Variants in SAE1 observed in about 807,000 individuals in gnomAD.
SAE1 encodes SUMO1 activating enzyme subunit 1.
Under a neutral mutation model 40.6 loss-of-function variants are expected in SAE1, and 11 were observed. The observed-to-expected ratio is 0.27, with a 90% CI of 0.17 to 0.45. SAE1 has a LOEUF of 0.45. Among genes scored for constraint, SAE1 ranks in the 20% least tolerant of loss-of-function variants. The pLI is 1.00. For synonymous variants in SAE1, 155 were observed against 154.3 expected, an observed-to-expected ratio of 1.00 and a Z score of -0.03; for missense variants, 373 against 427.3, an observed-to-expected ratio of 0.87 and a Z score of 1.12.
At chr19:47,132,508 CAA>C (rs1278937544) in intron 1 of SAE1, among the ~76,000 whole-genome samples, 2 of 150,766 alleles carry the variant, frequency 1.3e-5, no homozygotes, top group East Asian at 3.9e-4. Context: ...TCCTCGGCCT[CAA>C]GAGATCTCCC....
At position 47,201,568 on chromosome 19, in the gene SAE1, C is replaced by T. The variant is rs1427835973; in HGVS notation, c.879-2103C>T. Reference sequence around the variant, plus strand: ...TGTATTTTTAGTAGAGACGGGGTTTCACCATATTGGCCAGACTGAACTATT... The same window carrying T: ...TGTATTTTTAGTAGAGACGGGGTTTTACCATATTGGCCAGACTGAACTATT... On this transcript the variant is annotated intron_variant, in intron 7 of 8. Coordinates refer to ENST00000270225, the MANE Select transcript of SAE1 (RefSeq NM_005500.3). Among the ~76,000 whole-genome samples the T allele has an allele frequency of 4.6e-5, 7 of 151,794 alleles. No individual in the cohort carries two copies. The East Asian group carries it at 1.2e-3, about 25-fold the overall frequency.
At chr19:47,133,113 T>C (rs115828525) in intron 1 of SAE1, among the ~76,000 whole-genome samples, 1 of 152,158 alleles carries the variant, frequency 6.6e-6, no homozygotes, top group Non-Finnish European at 1.5e-5. Flanking sequence ...ATTGTCAAAT[T>C]AGAGAAATAA....
At chr19:47,173,637 C>A (rs1408702780) in intron 6 of SAE1, among the ~76,000 whole-genome samples, 1 of 152,122 alleles carries the variant, frequency 6.6e-6, no homozygotes, top group Non-Finnish European at 1.5e-5. Context: ...ACACCCCTAT[C>A]CTCTACTCAC....
At chr19:47,209,136 C>T (rs113966999) in intron 8 of SAE1, 23 bp from the exon 9 acceptor site, 9 of 1,610,314 alleles carry the variant, frequency 5.6e-6, no homozygotes, top group Non-Finnish European at 5.9e-6. Flanking sequence ...TGAGCTAAAC[C>T]CTCTTTTCAT....
At position 47,197,387 on chromosome 19, in the gene SAE1, A is replaced by G; in HGVS notation, c.878+10A>G. ...CTGAGGACTTTGTCAGGTTGGTGTC[A>G]GTATTTATCACTGTTTAGTCTGGAC... On this transcript the variant is annotated intron_variant, in intron 7 of 8. Transcript: ENST00000270225. The G allele has an allele frequency of 6.2e-7, 1 of 1,610,476 alleles. No individual in the cohort carries two copies. The highest frequency in any genetic ancestry group is 8.5e-7 in the Non-Finnish European group (1 of 1,178,616).
In SAE1 at chr19:47,130,842, G is replaced by A. The variant is rs541501306; in HGVS notation, c.-89G>A. On this transcript the variant is annotated 5_prime_UTR_variant, in exon 1 of 9. Transcript: ENST00000270225. ...CTGCGCATGCGCAGAAGCACTCCGG[G>A]CGTGCTGCCGGCGGCGGTAGGTGGC... 50 of 1,539,506 alleles carry A rather than the reference G, an allele frequency of 3.2e-5. No individual in the cohort carries two copies. The highest frequency in any genetic ancestry group is 3.1e-4 in the South Asian group (26 of 82,552).
At chr19:47,191,398 A>G (rs757842708) in intron 6 of SAE1, among the ~76,000 whole-genome samples, 3 of 152,238 alleles carry the variant, frequency 2.0e-5, no homozygotes, top group Non-Finnish European at 4.4e-5. Flanking sequence ...AGTATAGCCA[A>G]AGCAGAGGAT....
At chr19:47,193,357 G>T (rs2093416696) in intron 6 of SAE1, among the ~76,000 whole-genome samples, 1 of 152,028 alleles carries the variant, frequency 6.6e-6, no homozygotes, top group African/African-American at 2.4e-5. Flanking sequence ...CACCACACCT[G>T]GCCAATTGTT....
intron 2 of SAE1, among the ~76,000 whole-genome samples, chr19:47,147,854 G>A (rs992052374): frequency 6.6e-6 from 1 of 151,370 alleles, no homozygotes; most frequent in Non-Finnish European, 1.5e-5. Flanking sequence ...TGCCTCCCGG[G>A]TTCACACCAT....
chr19:47,130,890 G>T lies in SAE1; in HGVS notation c.-41G>T. 6.5e-7 allele frequency: 1 copy of T among 1,547,352 alleles called. No homozygotes were observed. Among genetic ancestry groups the T allele is most frequent in the Non-Finnish European group, 8.7e-7 (1 of 1,145,976 alleles). ...GGCGCGCGGGTCCGGCGGGCGGTTG[G>T]CTTGAGCGGGACCGGAGCTGAGGCA... On this transcript the variant is annotated 5_prime_UTR_variant, in exon 1 of 9. Coordinates refer to ENST00000270225, the MANE Select transcript of SAE1 (RefSeq NM_005500.3).
chr19:47,188,189 AAAT>A (rs2123291513), intron 6 of SAE1, among the ~76,000 whole-genome samples: 1 of 152,074 alleles, frequency 6.6e-6, no homozygotes, highest in Admixed American at 6.5e-5. Context: ...TCTCTACAAA[AAAT>A]AAAAAATGAA....
intron 6 of SAE1, among the ~76,000 whole-genome samples, chr19:47,194,747 C>CT (rs1232339267): frequency 0.11 from 13,275 of 124,838 alleles, 911 homozygotes; most frequent in African/African-American, 0.14. Flanking sequence ...GTTAATCAGT[C>CT]TTTTTTTTTT....
intron 6 of SAE1, among the ~76,000 whole-genome samples, chr19:47,175,146 C>G (rs1221244688): frequency 9.3e-6 from 1 of 107,144 alleles, no homozygotes; most frequent in Non-Finnish European, 1.7e-5. Context: ...ACTGTAAAGT[C>G]AAGCCTCAGT....
intron 6 of SAE1, among the ~76,000 whole-genome samples, chr19:47,175,867 A>G (rs1237977167): frequency 1.3e-5 from 2 of 152,248 alleles, no homozygotes; most frequent in Non-Finnish European, 2.9e-5. Flanking sequence ...TTTAGACACA[A>G]AGATTATCTG....
chr19:47,143,642 C>A, intron 2 of SAE1, 37 bp downstream of exon 2: 1 of 1,466,244 alleles, frequency 6.8e-7, no homozygotes. Flanking sequence ...CCTGCTCTGG[C>A]TCCCCTTTCC....
chr19:47,138,387 G>A (rs1443767884), intron 1 of SAE1, among the ~76,000 whole-genome samples: 3 of 152,180 alleles, frequency 2.0e-5, no homozygotes, highest in African/African-American at 7.2e-5. Flanking sequence ...TGCAAAAGAG[G>A]GGTAACAAAG....
intron 6 of SAE1, among the ~76,000 whole-genome samples, chr19:47,183,423 C>T (rs2058523891): frequency 6.6e-6 from 1 of 152,110 alleles, no homozygotes; most frequent in African/African-American, 2.4e-5. Flanking sequence ...TTAAGCATCG[C>T]CCAACAAAGT....
chr19:47,175,026 C>A (rs536310847), intron 6 of SAE1, among the ~76,000 whole-genome samples: 1 of 151,340 alleles, frequency 6.6e-6, no homozygotes, highest in Non-Finnish European at 1.5e-5. Context: ...CATTTACAAT[C>A]ACATATTGTG....
chr19:47,170,582 C>A (rs1254473077), intron 6 of SAE1, among the ~76,000 whole-genome samples: 1 of 143,634 alleles, frequency 7.0e-6, no homozygotes, highest in Non-Finnish European at 1.5e-5. Flanking sequence ...TCATGGTTCA[C>A]TGTAGCCTCT....
Sources: gnomAD v4.1 joint callset for allele counts (sites outside exome capture counted in the v4.1 genomes callset) on GRCh38, gnomAD v4.1.1 for gene constraint, MANE v1.5 for transcripts, NCBI Gene and HGNC (gene_info 2026-07-23, HGNC 2026-07-21) for gene names.